Variants in CDC42BPA observed in about 807,000 individuals in gnomAD.
CDC42BPA encodes the protein serine/threonine-protein kinase MRCK alpha.
CDC42BPA carries 80 observed loss-of-function variants against 223.5 expected under a neutral mutation model. The ratio of observed to expected loss-of-function variants is 0.36; its 90% CI spans 0.30 to 0.43. The LOEUF (loss-of-function observed/expected upper bound fraction) is 0.43. Ranked by LOEUF, CDC42BPA falls within the 20% of genes least tolerant of loss-of-function variation. The pLI, the probability that CDC42BPA is intolerant of heterozygous loss-of-function variation, is 1.00. For missense variants in CDC42BPA, 1,743 were observed against 2,099.9 expected, an observed-to-expected ratio of 0.83 and a Z score of 3.32; for synonymous variants, 694 against 718.6, an observed-to-expected ratio of 0.97 and a Z score of 0.55.
rs1203026697 is a variant in CDC42BPA, at chr1:227,013,367, A to G, written c.4857+2713T>C. Among the ~76,000 whole-genome samples, 3 of 152,214 alleles carry G rather than the reference A, an allele frequency of 2.0e-5. No homozygotes were observed. In the East Asian group the frequency reaches 5.8e-4, roughly 29 times the overall value. ...ATATAGACCTTATTTTGAACAAAAAATAAGATACAGATTTTTTCTTTTTAT... is the reference window on the plus strand; with the variant it reads ...ATATAGACCTTATTTTGAACAAAAAGTAAGATACAGATTTTTTCTTTTTAT... On this transcript the variant is annotated intron_variant, in intron 34 of 36. Transcript: ENST00000366766.
intron 21 of CDC42BPA, among the ~76,000 whole-genome samples, chr1:227,063,778 C>A (rs557614863): frequency 9.9e-5 from 15 of 152,234 alleles, no homozygotes; most frequent in African/African-American, 3.6e-4. Context: ...CCTACCAATT[C>A]TCACATACAA....
At chr1:227,160,699 A>G (rs565478391) in intron 5 of CDC42BPA, 63 bp from the exon 6 acceptor site, 6 of 922,270 alleles carry the variant, frequency 6.5e-6, no homozygotes, top group African/African-American at 5.0e-5. Context: ...TTGGTAAGAT[A>G]TTCTTTTTGT....
At chr1:227,204,970 C>G (rs1672400944) in intron 3 of CDC42BPA, among the ~76,000 whole-genome samples, 3 of 151,892 alleles carry the variant, frequency 2.0e-5, no homozygotes, top group African/African-American at 7.3e-5. Flanking sequence ...AAAAATATAG[C>G]CATTCAGGCC....
intron 20 of CDC42BPA, among the ~76,000 whole-genome samples, chr1:227,070,121 A>G (rs1049618184): frequency 2.0e-5 from 3 of 151,880 alleles, no homozygotes; most frequent in African/African-American, 7.2e-5. Context: ...ATAATAAAAA[A>G]CCACATTAAA....
At chr1:227,125,602 T>TA (rs78634914) in intron 11 of CDC42BPA, among the ~76,000 whole-genome samples, 20,721 of 117,338 alleles carry the variant, frequency 0.18, 1,835 homozygotes, top group Non-Finnish European at 0.2. Context: ...GTCTACAAAT[T>TA]AAAAAAAAAA....
At chr1:227,153,223 A>T (rs988286967) in intron 6 of CDC42BPA, among the ~76,000 whole-genome samples, 2 of 124,188 alleles carry the variant, frequency 1.6e-5, no homozygotes, top group Non-Finnish European at 3.5e-5. Context: ...ATACATCTGT[A>T]CCCAAAAGTT....
At chr1:227,043,881 G>T (rs763824115) in intron 23 of CDC42BPA, among the ~76,000 whole-genome samples, 1 of 152,060 alleles carries the variant, frequency 6.6e-6, no homozygotes, top group Non-Finnish European at 1.5e-5. Flanking sequence ...AGATTTTTCT[G>T]ATGAAATGAG....
chr1:227,129,300 T>C, intron 10 of CDC42BPA, 69 bp from the exon 11 acceptor site: 1 of 1,117,794 alleles, frequency 8.9e-7, no homozygotes, highest in Non-Finnish European at 1.3e-6. Context: ...AATAACATTA[T>C]TTTTTTGGAG....
At chr1:227,043,893 T>C (rs932128391) in intron 23 of CDC42BPA, among the ~76,000 whole-genome samples, 5 of 152,170 alleles carry the variant, frequency 3.3e-5, no homozygotes, top group Non-Finnish European at 7.3e-5. Flanking sequence ...TGAAATGAGA[T>C]TGCTGAGTCA....
intron 32 of CDC42BPA, among the ~76,000 whole-genome samples, 194 bp downstream of exon 32, chr1:227,023,068 CA>C (rs150575063): frequency 0.012 from 1,773 of 152,246 alleles, 17 homozygotes; most frequent in Middle Eastern, 0.024. Flanking sequence ...TGAGCTTAAA[CA>C]GAACGACTTT....
At chr1:227,099,412 C>T (rs1248948326) in intron 15 of CDC42BPA, among the ~76,000 whole-genome samples, 1 of 151,670 alleles carries the variant, frequency 6.6e-6, no homozygotes, top group Non-Finnish European at 1.5e-5. Flanking sequence ...AAGCTTCATT[C>T]ATGGTAAGTG....
intron 4 of CDC42BPA, among the ~76,000 whole-genome samples, chr1:227,196,994 A>AT (rs1670870261): frequency 6.6e-6 from 1 of 152,016 alleles, no homozygotes; most frequent in Non-Finnish European, 1.5e-5. Context: ...ATCTAATCAC[A>AT]TAATAATATC....
intron 2 of CDC42BPA, among the ~76,000 whole-genome samples, chr1:227,237,812 G>T (rs546420255): frequency 3.9e-3 from 285 of 73,304 alleles, no homozygotes; most frequent in African/African-American, 0.014. Flanking sequence ...AGGCCGAGGC[G>T]GGCGGATCAC....
intron 5 of CDC42BPA, among the ~76,000 whole-genome samples, chr1:227,163,745 A>G (rs1255408885): frequency 1.0e-5 from 1 of 96,656 alleles, no homozygotes; most frequent in African/African-American, 3.4e-5. Flanking sequence ...AAAAAAAAAT[A>G]TATATATATA....
At chr1:227,269,645 G>C (rs907874244) in intron 1 of CDC42BPA, among the ~76,000 whole-genome samples, 9 of 151,860 alleles carry the variant, frequency 5.9e-5, no homozygotes, top group Non-Finnish European at 1.2e-4. Context: ...TTAACACATA[G>C]AACATACAGA....
At chr1:227,303,655 A>G (rs147254963) in intron 1 of CDC42BPA, among the ~76,000 whole-genome samples, 1 of 152,184 alleles carries the variant, frequency 6.6e-6, no homozygotes, top group Non-Finnish European at 1.5e-5. Context: ...GATTCTGCCA[A>G]GTAAACTGAA....
intron 1 of CDC42BPA, among the ~76,000 whole-genome samples, chr1:227,299,464 A>G (rs1691260910): frequency 6.6e-6 from 1 of 152,170 alleles, no homozygotes; most frequent in African/African-American, 2.4e-5. Flanking sequence ...GTTTTTTAGT[A>G]ATACACCTAA....
At chr1:227,059,332 A>G in intron 21 of CDC42BPA, 2 of 1,532,664 alleles carry the variant, frequency 1.3e-6, no homozygotes, top group Non-Finnish European at 1.8e-6. Flanking sequence ...AGAGGGGTAA[A>G]AGGCCTCAGG....
intron 16 of CDC42BPA, 82 bp from the exon 17 acceptor site, chr1:227,081,099 C>T (rs780488092): frequency 2.1e-6 from 3 of 1,399,494 alleles, no homozygotes; most frequent in African/African-American, 1.4e-5. Context: ...AATTTGATTA[C>T]TCAACATCAT....
Sources: gnomAD v4.1 joint callset for allele counts (sites outside exome capture counted in the v4.1 genomes callset) on GRCh38, gnomAD v4.1.1 for gene constraint, MANE v1.5 for transcripts, NCBI Gene and HGNC (gene_info 2026-07-23, HGNC 2026-07-21) for gene names.